Variants in TXNIP observed in about 807,000 individuals in gnomAD.
TXNIP encodes the protein thioredoxin interacting protein, also known as thioredoxin-interacting protein.
TXNIP carries 23 observed loss-of-function variants against 43.9 expected under a neutral mutation model. The observed-to-expected ratio is 0.52, with a 90% CI of 0.38 to 0.74. The LOEUF is 0.74. Among genes scored for constraint, TXNIP ranks in the 30% least tolerant of loss-of-function variants. TXNIP has a pLI of 0.00. For missense variants in TXNIP, 555 were observed against 485.4 expected (o/e 1.14, Z -1.35); for synonymous variants, 234 against 172.2 (o/e 1.36, Z -2.81).
At position 145,995,753 on chromosome 1, in the gene TXNIP, T is replaced by G. The variant is rs957556763; in HGVS notation, c.250+264A>C. ...GGAAGTAGACAAAGAATAAGCAACT[T>G]ATGCACACATAAGACTTTAACTACC... On this transcript the variant is annotated intron_variant, in intron 1 of 7. Transcript: ENST00000582401. 9.9e-6 allele frequency: 6 copies of G among 608,462 alleles called. No homozygotes were observed. In the South Asian group the frequency reaches 1.3e-4, roughly 13 times the overall value. The allele number at this position is 608,462 out of a possible 1,614,324, so 37.7% of individuals were successfully genotyped here.
rs181264382 is a variant in TXNIP at position 145,995,570 on chromosome 1, T to C, written c.251-94A>G. Reference sequence around the variant, plus strand: ...GAATGCTTGGGTGGCATGCAAGGTATTGAAGTACCCCCAATTTCATCCCAT... The same window carrying C: ...GAATGCTTGGGTGGCATGCAAGGTACTGAAGTACCCCCAATTTCATCCCAT... On this transcript the variant is annotated intron_variant, in intron 1 of 7. Coordinates refer to ENST00000582401, the MANE Select transcript of TXNIP (RefSeq NM_006472.6). 5.9e-5 allele frequency: 65 copies of C among 1,109,336 alleles called. 1 individual carries two copies. The highest frequency in any genetic ancestry group is 5.5e-4 in the African/African-American group (36 of 64,874). The allele number at this position is 1,109,336 out of a possible 1,614,324, so 68.7% of individuals were successfully genotyped here. A position where few individuals can be genotyped will look rare whatever the true frequency, so the allele number is the denominator to read the frequency against.
chr1:145,993,759 G>A lies in TXNIP; in HGVS notation c.*92C>T. ...GGCTAAGGTGGACCCACACTCCATT[G>A]CAGAGACTGTTGAGTCTCTGAAAAA... On this transcript the variant is annotated 3_prime_UTR_variant, in exon 8 of 8. Transcript: ENST00000582401. 7.0e-7 allele frequency: 1 copy of A among 1,436,802 alleles called. No individual in the cohort carries two copies. The highest frequency in any genetic ancestry group is 9.7e-7 in the Non-Finnish European group (1 of 1,033,472). 89.0% of individuals were successfully genotyped at this position (1,436,802 alleles called of 1,614,324 possible). A position where few individuals can be genotyped will look rare whatever the true frequency, so the allele number is the denominator to read the frequency against.
Position 145,995,852 on chromosome 1 carries a change from G to A in TXNIP, c.250+165C>T, listed in dbSNP as rs17221730. 1.2e-5 allele frequency: 10 copies of A among 862,712 alleles called. No homozygotes were observed. In the East Asian group the frequency reaches 2.1e-4, roughly 18 times the overall value. The allele number at this position is 862,712 out of a possible 1,614,324, so 53.4% of individuals were successfully genotyped here. A position where few individuals can be genotyped will look rare whatever the true frequency, so the allele number is the denominator to read the frequency against. ...ATTGTACAAATCACCCTTTTTTTTG[G>A]GGGGGGAGGAGAATGTCTGCAAATT... On this transcript the variant is annotated intron_variant, in intron 1 of 7. Coordinates refer to ENST00000582401, the MANE Select transcript of TXNIP (RefSeq NM_006472.6).
rs1231944411 is a variant in TXNIP at position 145,992,908 on chromosome 1, TTA to T, written c.*941_*942del. 6.5e-6 allele frequency: 1 copy of T among 152,684 alleles called. No homozygotes were observed. The highest frequency in any genetic ancestry group is 2.4e-5 in the African/African-American group (1 of 41,470). 9.5% of individuals were successfully genotyped at this position (152,684 alleles called of 1,614,324 possible). ...CTTTCACATGATTTAAGCGTTAGAA[TTA>T]TATAATTCTGTACATTGGGGCAATC... On this transcript the variant is annotated 3_prime_UTR_variant, in exon 8 of 8. Transcript: ENST00000582401.
chr1:145,994,895 CCT>C, intron 4 of TXNIP, 32 bp downstream of exon 4: 1 of 1,614,036 alleles, frequency 6.2e-7, no homozygotes, highest in Non-Finnish European at 8.5e-7. Context: ...AAACCCAGTT[CCT>C]GTTTTAACTG....
chr1:145,996,249 C>G lies in TXNIP; in HGVS notation c.18G>C (p.Lys6Asn). ...TAAAGACCACCTCAAAAGACTTGAT[C>G]TTCTTGAACATCACCATGATGGAAC... MVMFKKIKSFEVVFND... is the reference protein window; with the variant it reads MVMFKNIKSFEVVFND... Residue 6 changes from lysine (K) to asparagine (N), a missense_variant, in exon 1 of 8, where the codon AAG (lysine) becomes AAC (asparagine). Physicochemically the swap from Lys to Asn is moderately conservative, Grantham distance 94. Transcript: ENST00000582401. 1 of 1,613,932 alleles carries G rather than the reference C, an allele frequency of 6.2e-7. No individual in the cohort carries two copies. Among genetic ancestry groups the G allele is most frequent in the Non-Finnish European group, 8.5e-7 (1 of 1,179,996 alleles).
rs934369380 is a variant in TXNIP, at chr1:145,996,388, G to A, written c.-122C>T. 8.3e-7 allele frequency: 1 copy of A among 1,199,598 alleles called. No individual in the cohort carries two copies. The highest frequency in any genetic ancestry group is 1.2e-6 in the Non-Finnish European group (1 of 856,488). The allele number at this position is 1,199,598 out of a possible 1,614,324, so 74.3% of individuals were successfully genotyped here. On this transcript the variant is annotated 5_prime_UTR_variant, in exon 1 of 8. Coordinates refer to ENST00000582401, the MANE Select transcript of TXNIP (RefSeq NM_006472.6). ...TAAGGAATTAAGGTATTCTTAAGCAGTTTGAGCTTAAAAATAAAATAAGAT... is the reference window on the plus strand; with the variant it reads ...TAAGGAATTAAGGTATTCTTAAGCAATTTGAGCTTAAAAATAAAATAAGAT...
rs1553766121 is a variant in TXNIP at position 145,994,684 on chromosome 1, T to C, written c.691A>G (p.Thr231Ala). 1 of 1,614,172 alleles carries C rather than the reference T, an allele frequency of 6.2e-7. No homozygotes were observed. Among genetic ancestry groups the C allele is most frequent in the Admixed American group, 1.7e-5 (1 of 60,014 alleles). ...YLANGQTKVLTQKLSSVRGNH... is the reference protein window; with the variant it reads ...YLANGQTKVLAQKLSSVRGNH... ...CCTCTGACTGATGACAACTTCTGAG[T>C]CAGCACCTTGGTCTGGCCATTGGCA... Residue 231 changes from threonine (T) to alanine (A), a missense_variant, in exon 5 of 8, where the codon ACT becomes GCT. By Grantham distance (58) the Thr-to-Ala change is moderately conservative. Transcript: ENST00000582401.
rs782446827 is a variant in TXNIP at position 145,995,028 on chromosome 1, G to A, written c.475C>T (p.Pro159Ser). Reference sequence around the variant, plus strand: ...TTCTTTTCTTTTTTAGCAGACACAGGTGCCTATATAGAAGGGGATAAAAAG... The same window carrying A: ...TTCTTTTCTTTTTTAGCAGACACAGATGCCTATATAGAAGGGGATAAAAAG... ...VDVNTPDLMA[P>S]VSAKKEKKVS... is the part of the protein sequence containing the mutation. Residue 159 changes from proline to serine, a missense_variant, in exon 4 of 8, where the codon CCT becomes TCT. Coordinates refer to ENST00000582401, the MANE Select transcript of TXNIP (RefSeq NM_006472.6). 17 of 1,613,926 alleles carry A rather than the reference G, an allele frequency of 1.1e-5. No homozygotes were observed. The Admixed American group carries it at 1.8e-4, about 17-fold the overall frequency.
In TXNIP at chr1:145,993,593, G is replaced by C. The variant is rs1651285952; in HGVS notation, c.*258C>G. 5.1e-6 allele frequency: 2 copies of C among 392,202 alleles called. No individual in the cohort carries two copies. Among genetic ancestry groups the C allele is most frequent in the African/African-American group, 2.0e-5 (1 of 49,630 alleles). The allele number at this position is 392,202 out of a possible 1,614,324, so 24.3% of individuals were successfully genotyped here. On this transcript the variant is annotated 3_prime_UTR_variant, in exon 8 of 8. Coordinates refer to ENST00000582401, the MANE Select transcript of TXNIP (RefSeq NM_006472.6). ...TCAAGGAGATCTGAGAAAATGGATG[G>C]GCCTGAGTTTTTCTAGTTATTTTTA...
rs1237702736 is a variant in TXNIP at position 145,994,662 on chromosome 1, C to G, written c.713G>C (p.Arg238Thr). ...KVLTQKLSSV[R>T]GNHIISGTCA... The stretch of plus-strand genomic sequence containing the variant: ...TGTCCCTGAGATAATATGATTGCCT[C>G]TGACTGATGACAACTTCTGAGTCAG... Residue 238 changes from arginine to threonine, a missense_variant, in exon 5 of 8, where the codon AGA becomes ACA. By Grantham distance (71) the Arg-to-Thr change is moderately conservative. Transcript: ENST00000582401. 6.2e-7 allele frequency: 1 copy of G among 1,614,096 alleles called. No individual in the cohort carries two copies.
Position 145,993,770 on chromosome 1 carries a change from T to C in TXNIP, c.*81A>G, listed in dbSNP as rs1651295801. ...ACCCACACTCCATTGCAGAGACTGT[T>C]GAGTCTCTGAAAAAGTGAGTGTCCA... On this transcript the variant is annotated 3_prime_UTR_variant, in exon 8 of 8. Coordinates refer to ENST00000582401, the MANE Select transcript of TXNIP (RefSeq NM_006472.6). 1 of 1,501,210 alleles carries C rather than the reference T, an allele frequency of 6.7e-7. No individual in the cohort carries two copies. Among genetic ancestry groups the C allele is most frequent in the East Asian group, 2.3e-5 (1 of 44,058 alleles). The allele number at this position is 1,501,210 out of a possible 1,614,324, so 93.0% of individuals were successfully genotyped here. A position where few individuals can be genotyped will look rare whatever the true frequency, so the allele number is the denominator to read the frequency against.
In TXNIP at chr1:145,992,952, T is replaced by G. The variant is rs1331759889; in HGVS notation, c.*899A>C. 1 of 152,606 alleles carries G rather than the reference T, an allele frequency of 6.6e-6. No individual in the cohort carries two copies. The highest frequency in any genetic ancestry group is 1.5e-5 in the Non-Finnish European group (1 of 68,044). 9.5% of individuals were successfully genotyped at this position (152,606 alleles called of 1,614,324 possible). ...GGGGCAATCTCAAAAGTAGTAAAATTTTTTTTGTCTTTTGGCTTAACCCTA... is the reference window on the plus strand; with the variant it reads ...GGGGCAATCTCAAAAGTAGTAAAATGTTTTTTGTCTTTTGGCTTAACCCTA... On this transcript the variant is annotated 3_prime_UTR_variant, in exon 8 of 8. Coordinates refer to ENST00000582401, the MANE Select transcript of TXNIP (RefSeq NM_006472.6).
chr1:145,995,932 C>G (rs1211078773), intron 1 of TXNIP, 85 bp downstream of exon 1: 1 of 1,529,852 alleles, frequency 6.5e-7, no homozygotes, highest in Admixed American at 1.9e-5. Context: ...AACTGAGCAA[C>G]TTAAAACATT....
In TXNIP at chr1:145,994,053, G is replaced by A. The variant is rs868924653; in HGVS notation, c.1103C>T (p.Pro368Leu). 5.0e-6 allele frequency: 8 copies of A among 1,614,152 alleles called. No homozygotes were observed. Among genetic ancestry groups the A allele is most frequent in the Non-Finnish European group, 5.9e-6 (7 of 1,180,020 alleles). ...SQDSPIFMYAPEFKFMPPPTY... is the reference protein window; with the variant it reads ...SQDSPIFMYALEFKFMPPPTY... Reference sequence around the variant, plus strand: ...CGGTGGTGGCATGAACTTGAACTCAGGGGCATACATAAAGATAGGGCTGTC... The same window carrying A: ...CGGTGGTGGCATGAACTTGAACTCAAGGGCATACATAAAGATAGGGCTGTC... Residue 368 changes from proline (P) to leucine (L), a missense_variant, in exon 7 of 8, where the codon CCT becomes CTT. Pro to Leu is a moderately conservative substitution (Grantham distance 98). Coordinates refer to ENST00000582401, the MANE Select transcript of TXNIP (RefSeq NM_006472.6).
Position 145,993,842 on chromosome 1 carries a change from T to A in TXNIP, c.*9A>T. The A allele has an allele frequency of 6.2e-7, 1 of 1,614,108 alleles. No homozygotes were observed. The highest frequency in any genetic ancestry group is 8.5e-7 in the Non-Finnish European group (1 of 1,180,012). ...AAGTAGGTAAAGCTGCTTCTTTTCT[T>A]CCACATGCTCACTGCACATTGTTGT... is the stretch of plus-strand genomic sequence containing the variant. On this transcript the variant is annotated 3_prime_UTR_variant, in exon 8 of 8. Transcript: ENST00000582401.
chr1:145,995,604 T>A lies in TXNIP; in HGVS notation c.251-128A>T, dbSNP rs587742013. The A allele has an allele frequency of 2.5e-4, 212 of 852,780 alleles. 2 individuals are homozygous for A. Among genetic ancestry groups the A allele is most frequent in the Admixed American group, 4.3e-4 (20 of 46,180 alleles). The allele number at this position is 852,780 out of a possible 1,614,324, so 52.8% of individuals were successfully genotyped here. On this transcript the variant is annotated intron_variant, in intron 1 of 7. Coordinates refer to ENST00000582401, the MANE Select transcript of TXNIP (RefSeq NM_006472.6). ...CCCCAATTTCATCCCATATATATAT[T>A]TTTTAATCCATCCCATATTGTTCTT...
Position 145,996,138 on chromosome 1 carries a change from G to A in TXNIP, c.129C>T (p.Ala43=), listed in dbSNP as rs1553766567. ...VEVCEVTRVK[A]VRILACGVAK... ...CCACTCCGCAAGCCAGGATCCTAAC[G>A]GCTTTGACACGAGTAACTTCACACA... Residue 43 remains alanine, a synonymous_variant, in exon 1 of 8, where the codon GCC becomes GCT. Coordinates refer to ENST00000582401, the MANE Select transcript of TXNIP (RefSeq NM_006472.6). The A allele has an allele frequency of 2.5e-6, 4 of 1,614,008 alleles. No homozygotes were observed. Among genetic ancestry groups the A allele is most frequent in the Admixed American group, 1.7e-5 (1 of 59,994 alleles).
rs587759495 is a variant in TXNIP at position 145,994,535 on chromosome 1, T to G, written c.831+9A>C. The G allele has an allele frequency of 2.2e-5, 36 of 1,614,118 alleles. 1 individual carries two copies. In the South Asian group the frequency reaches 3.8e-4, roughly 17 times the overall value. On this transcript the variant is annotated intron_variant, in intron 5 of 7. Coordinates refer to ENST00000582401, the MANE Select transcript of TXNIP (RefSeq NM_006472.6). ...ATTTCTCTGCTGAAGCCACCCTGCA[T>G]CTACCCACCAGTAAGGAATATTCAA... is the stretch of plus-strand genomic sequence containing the variant.
Sources: gnomAD v4.1 joint callset for allele counts on GRCh38, gnomAD v4.1.1 for gene constraint, MANE v1.5 for transcripts, NCBI Gene and HGNC (gene_info 2026-07-23, HGNC 2026-07-21) for gene names.